FGF14: variants seen among roughly 807,000 people sequenced by gnomAD.
FGF14 encodes the protein fibroblast growth factor 14, also known as fibroblast growth factor homologous factor 4.
Under a neutral mutation model 25.5 loss-of-function variants are expected in FGF14, and 5 were observed. The ratio of observed to expected loss-of-function variants is 0.20; its 90% confidence interval spans 0.10 to 0.41. The LOEUF is 0.41. Ranked by LOEUF, FGF14 falls within the 10% of genes least tolerant of loss-of-function variation. The pLI is 1.00. For synonymous variants in FGF14, 138 were observed against 118.3 expected, an observed-to-expected ratio of 1.17 and a Z score of -1.08; for missense variants, 222 against 320.1, an observed-to-expected ratio of 0.69 and a Z score of 2.34.
intron 1 of FGF14, among the ~76,000 whole-genome samples, chr13:101,936,846 C>A (rs2035137146): frequency 6.6e-6 from 1 of 152,152 alleles, no homozygotes. Flanking sequence ...TCAATTGCTA[C>A]AAAGCCTTAA....
intron 1 of FGF14, among the ~76,000 whole-genome samples, chr13:102,042,769 C>T (rs192745618): frequency 6.6e-6 from 1 of 152,314 alleles, no homozygotes; most frequent in East Asian, 1.9e-4. Flanking sequence ...ACAGAGAACT[C>T]ATGTTTTTAG....
intron 2 of FGF14, among the ~76,000 whole-genome samples, chr13:101,872,960 C>A (rs2045189130): frequency 1.3e-5 from 2 of 151,558 alleles, no homozygotes; most frequent in South Asian, 4.2e-4. Context: ...GTCTCACTAG[C>A]ATTTAGAGTG....
At chr13:102,156,573 T>G (rs897757710) in intron 1 of FGF14, among the ~76,000 whole-genome samples, 2 of 152,162 alleles carry the variant, frequency 1.3e-5, no homozygotes, top group Non-Finnish European at 2.9e-5. Flanking sequence ...GAACAAAAAC[T>G]GGAAGCATTC....
At chr13:101,728,817 G>A (rs1009878094) in intron 3 of FGF14, among the ~76,000 whole-genome samples, 2 of 152,152 alleles carry the variant, frequency 1.3e-5, no homozygotes, top group Non-Finnish European at 2.9e-5. Context: ...TCTCTGCCCA[G>A]AACCTGGCTC....
At chr13:102,085,454 A>G (rs756697255) in intron 1 of FGF14, among the ~76,000 whole-genome samples, 8 of 152,198 alleles carry the variant, frequency 5.3e-5, no homozygotes, top group Non-Finnish European at 1.2e-4. Flanking sequence ...TTCTAAATCA[A>G]TTTATTGTCC....
chr13:102,135,051 ACACACAC>A (rs2046352326), intron 1 of FGF14, among the ~76,000 whole-genome samples: 3 of 150,924 alleles, frequency 2.0e-5, no homozygotes, highest in African/African-American at 7.4e-5. Context: ...ACACACACAC[ACACACAC>A]ACAAATCCGC....
chr13:102,308,993 A>C (rs2138654990), intron 1 of FGF14, among the ~76,000 whole-genome samples: 1 of 152,058 alleles, frequency 6.6e-6, no homozygotes. Context: ...AAATGTAGTG[A>C]GTTTTCCAAG....
rs138792281 is a variant in FGF14, at chr13:102,227,896, G to A, written c.208+173575C>T. ...GTCTGCTGAGCTACGTAAACCACCC[G>A]CCTTTGTTTTACATCATATATTGCA... is the stretch of plus-strand genomic sequence containing the variant. On this transcript the variant is annotated intron_variant, in intron 1 of 4. Coordinates refer to the FGF14 transcript ENST00000376131. 1.2e-3 allele frequency among the ~76,000 whole-genome samples: 190 copies of A among 152,066 alleles called. 1 individual carries two copies. Among genetic ancestry groups the A allele is most frequent in the Non-Finnish European group, 2.3e-3 (158 of 67,974 alleles).
At chr13:102,209,523 G>A (rs1026056584) in intron 1 of FGF14, among the ~76,000 whole-genome samples, 7 of 152,202 alleles carry the variant, frequency 4.6e-5, no homozygotes, top group African/African-American at 1.7e-4. Context: ...AGACAGGGCT[G>A]TACACCAGCA....
chr13:102,049,844 T>C (rs2042144665), intron 1 of FGF14, among the ~76,000 whole-genome samples: 1 of 152,138 alleles, frequency 6.6e-6, no homozygotes, highest in Non-Finnish European at 1.5e-5. Context: ...AAGAGATTGA[T>C]GGCAAACAAC....
intron 1 of FGF14, among the ~76,000 whole-genome samples, chr13:102,067,380 A>G (rs147696157): frequency 6.6e-6 from 1 of 152,084 alleles, no homozygotes; most frequent in Non-Finnish European, 1.5e-5. Flanking sequence ...AATAATTTAG[A>G]AACATTGATA....
At chr13:102,158,561 C>T (rs955652855) in intron 1 of FGF14, among the ~76,000 whole-genome samples, 1 of 151,594 alleles carries the variant, frequency 6.6e-6, no homozygotes, top group Non-Finnish European at 1.5e-5. Flanking sequence ...AGGAGATATA[C>T]CTAATGTTAA....
chr13:102,133,142 T>C (rs892373962), intron 1 of FGF14, among the ~76,000 whole-genome samples: 10 of 152,244 alleles, frequency 6.6e-5, no homozygotes, highest in Non-Finnish European at 1.0e-4. Context: ...AGCACAGCAG[T>C]ATGACATTTA....
chr13:101,855,897 C>T (rs115194561), intron 3 of FGF14, among the ~76,000 whole-genome samples: 77 of 115,560 alleles, frequency 6.7e-4, no homozygotes, highest in African/African-American at 2.7e-3. Context: ...ATTCAAATTC[C>T]TACAAGTTTT....
intron 3 of FGF14, among the ~76,000 whole-genome samples, chr13:101,750,825 G>T (rs900848857): frequency 2.0e-5 from 3 of 152,018 alleles, no homozygotes; most frequent in African/African-American, 7.2e-5. Context: ...ATACAAACAA[G>T]CTTTCCAGAC....
At position 101,869,007 on chromosome 13, in the gene FGF14, G is replaced by A. The variant is rs542910520; in HGVS notation, c.305-179C>T. On this transcript the variant is annotated intron_variant, in intron 2 of 4. Transcript: ENST00000376143. ...AAGAAGTTTCTGCTATGGGTAAAATGAGTACTTCAGCTTCAACCTTTAAAT... is the reference window on the plus strand; with the variant it reads ...AAGAAGTTTCTGCTATGGGTAAAATAAGTACTTCAGCTTCAACCTTTAAAT... Among the ~76,000 whole-genome samples the A allele has an allele frequency of 7.9e-5, 12 of 152,272 alleles. No individual in the cohort carries two copies. The South Asian group carries it at 2.5e-3, about 32-fold the overall frequency.
At chr13:102,114,314 T>G (rs1055293508) in intron 1 of FGF14, among the ~76,000 whole-genome samples, 1 of 152,202 alleles carries the variant, frequency 6.6e-6, no homozygotes, top group Non-Finnish European at 1.5e-5. Flanking sequence ...AGATCAACCC[T>G]TTATCAGATA....
At position 101,908,756 on chromosome 13, in the gene FGF14, G is replaced by A. The variant is rs564291714; in HGVS notation, c.193+7697C>T. 2.0e-5 allele frequency among the ~76,000 whole-genome samples: 3 copies of A among 152,154 alleles called. No homozygotes were observed. The South Asian group carries it at 6.2e-4, about 32-fold the overall frequency. On this transcript the variant is annotated intron_variant, in intron 1 of 4. Coordinates refer to ENST00000376143, the MANE Select transcript of FGF14 (RefSeq NM_004115.4). ...AAAAAACTACTTTAAAGTTCATGTG[G>A]AACCAAAAAAGAGCCCGCATTGCTA... is the stretch of plus-strand genomic sequence containing the variant.
intron 1 of FGF14, among the ~76,000 whole-genome samples, chr13:102,266,364 C>A (rs543600500): frequency 2.0e-5 from 3 of 152,138 alleles, no homozygotes; most frequent in African/African-American, 4.8e-5. Flanking sequence ...TAATTGCATA[C>A]CGAGGTCACC....
Sources: gnomAD v4.1 joint callset for allele counts (sites outside exome capture counted in the v4.1 genomes callset) on GRCh38, gnomAD v4.1.1 for gene constraint, MANE v1.5 for transcripts, NCBI Gene and HGNC (gene_info 2026-07-23, HGNC 2026-07-21) for gene names.